Variants in ADAMTSL1 observed in about 807,000 individuals in gnomAD.
ADAMTSL1 encodes the protein ADAMTS like 1, also known as ADAMTS-like protein 1.
ADAMTSL1 carries 126 observed loss-of-function variants against 201.8 expected under a neutral mutation model. The ratio of observed to expected loss-of-function variants is 0.62; its 90% CI spans 0.54 to 0.72. The LOEUF (loss-of-function observed/expected upper bound fraction) is 0.72. Ranked by LOEUF, ADAMTSL1 falls within the 30% of genes least tolerant of loss-of-function variation. The pLI, the probability that ADAMTSL1 is intolerant of heterozygous loss-of-function variation, is 0.00. For synonymous variants in ADAMTSL1, 1,121 were observed against 903.4 expected (o/e 1.24, Z -4.32); for missense variants, 2,679 against 2,277.8 (o/e 1.18, Z -3.59).
chr9:18,756,076 AATATATATATATATAT>A (rs55717414), intron 16 of ADAMTSL1, among the ~76,000 whole-genome samples: 1,129 of 80,702 alleles, frequency 0.014, 70 homozygotes, highest in South Asian at 0.024. Context: ...CTCTACTGAA[AATATATATATATATAT>A]ATATATATAT....
In ADAMTSL1 at chr9:17,957,950, T is replaced by G. The variant is rs528628419; in HGVS notation, c.87+51028T>G. 4.6e-5 allele frequency among the ~76,000 whole-genome samples: 7 copies of G among 152,320 alleles called. No homozygotes were observed. In the East Asian group the frequency reaches 1.4e-3, roughly 29 times the overall value. ...ATTTTGGACATCTAGCCTCCATGAC[T>G]GGGAGAGAATAAGTTTTTGTTGTTT... is the stretch of plus-strand genomic sequence containing the variant. On this transcript the variant is annotated intron_variant, in intron 1 of 29. Coordinates refer to the ADAMTSL1 transcript ENST00000680146.
At chr9:18,191,457 A>T (rs1828966874) in intron 2 of ADAMTSL1, among the ~76,000 whole-genome samples, 1 of 152,120 alleles carries the variant, frequency 6.6e-6, no homozygotes, top group East Asian at 1.9e-4. Flanking sequence ...TTTCTTCTTC[A>T]ATCCATGGAG....
At chr9:17,974,182 G>T (rs1818340821) in intron 1 of ADAMTSL1, among the ~76,000 whole-genome samples, 1 of 151,984 alleles carries the variant, frequency 6.6e-6, no homozygotes, top group Non-Finnish European at 1.5e-5. Flanking sequence ...TTGAAAATGG[G>T]CACAAGACAA....
chr9:18,328,653 C>A (rs140373442), intron 2 of ADAMTSL1, among the ~76,000 whole-genome samples: 1 of 152,138 alleles, frequency 6.6e-6, no homozygotes, highest in African/African-American at 2.4e-5. Flanking sequence ...TACACTGTGC[C>A]GCATCTCATC....
At position 18,045,330 on chromosome 9, in the gene ADAMTSL1, T is replaced by A. The variant is rs550943644; in HGVS notation, c.88-118532T>A. ...GTTATTCAACTACTATTCAAGTAAT[T>A]CTTGAATCAGCAGTTGGAGTTGGCA... is the stretch of plus-strand genomic sequence containing the variant. On this transcript the variant is annotated intron_variant, in intron 1 of 29. Transcript: ENST00000680146. Among the ~76,000 whole-genome samples the A allele has an allele frequency of 4.4e-5, 6 of 137,340 alleles. No individual in the cohort carries two copies. In the South Asian group the frequency reaches 1.2e-3, roughly 27 times the overall value. 90.1% of individuals were successfully genotyped at this position (137,340 alleles called of 152,430 possible). A position where few individuals can be genotyped will look rare whatever the true frequency, so the allele number is the denominator to read the frequency against.
chr9:17,914,406 A>G (rs1358631978), intron 1 of ADAMTSL1, among the ~76,000 whole-genome samples: 11 of 152,234 alleles, frequency 7.2e-5, no homozygotes, highest in Admixed American at 6.5e-4. Context: ...TATAAACAGA[A>G]CCAATGACAA....
chr9:18,538,099 G>A (rs1819904444), intron 3 of ADAMTSL1, among the ~76,000 whole-genome samples: 1 of 152,084 alleles, frequency 6.6e-6, no homozygotes, highest in African/African-American at 2.4e-5. Context: ...TTGGCTGCAG[G>A]CTCACTCTGG....
upstream of ADAMTSL1, among the ~76,000 whole-genome samples, chr9:18,471,118 A>G (rs1438024713): frequency 2.6e-5 from 4 of 152,216 alleles, no homozygotes; most frequent in African/African-American, 4.8e-5. Flanking sequence ...GAGAAAGTCA[A>G]GACACATAGA....
chr9:18,130,427 C>T (rs908899311), intron 1 of ADAMTSL1, among the ~76,000 whole-genome samples: 1 of 152,166 alleles, frequency 6.6e-6, no homozygotes. Flanking sequence ...TTTTAACTGG[C>T]TGTCACAATG....
At chr9:18,748,722 GA>G (rs1165793388) in intron 15 of ADAMTSL1, among the ~76,000 whole-genome samples, 1 of 152,160 alleles carries the variant, frequency 6.6e-6, no homozygotes, top group Non-Finnish European at 1.5e-5. Context: ...GCATACTACT[GA>G]ACATCTGCCA....
At chr9:17,972,487 A>G (rs1358252290) in intron 1 of ADAMTSL1, among the ~76,000 whole-genome samples, 2 of 151,636 alleles carry the variant, frequency 1.3e-5, no homozygotes, top group Non-Finnish European at 2.9e-5. Flanking sequence ...TACAAAGGAC[A>G]TGAACTCATC....
In ADAMTSL1 at chr9:17,911,654, C is replaced by G. The variant is rs1825902715; in HGVS notation, c.87+4732C>G. Among the ~76,000 whole-genome samples the G allele has an allele frequency of 2.9e-5, 2 of 68,198 alleles. 1 individual carries two copies. The highest frequency in any genetic ancestry group is 5.9e-5 in the African/African-American group (2 of 33,934). The allele number at this position is 68,198 out of a possible 152,430, so 44.7% of individuals were successfully genotyped here. A position where few individuals can be genotyped will look rare whatever the true frequency, so the allele number is the denominator to read the frequency against. ...GAAAGAATTGCGCCTTTATGGGCAC[C>G]TGATTTCCAACTAAAATTCTTTTTC... is the stretch of plus-strand genomic sequence containing the variant. On this transcript the variant is annotated intron_variant, in intron 1 of 29. Coordinates refer to the ADAMTSL1 transcript ENST00000680146.
chr9:18,097,418 C>G (rs1387879302), intron 1 of ADAMTSL1, among the ~76,000 whole-genome samples: 1 of 152,120 alleles, frequency 6.6e-6, no homozygotes, highest in Non-Finnish European at 1.5e-5. Flanking sequence ...TTTCATTTTG[C>G]TTTGGTAAAT....
At position 18,776,948 on chromosome 9, in the gene ADAMTSL1, C is replaced by T; in HGVS notation, c.2719C>T (p.Pro907Ser). 6.3e-7 allele frequency: 1 copy of T among 1,598,998 alleles called. No homozygotes were observed. Among genetic ancestry groups the T allele is most frequent in the Non-Finnish European group, 8.5e-7 (1 of 1,171,948 alleles). The stretch of plus-strand genomic sequence containing the variant: ...CTGCCCGGCGCGCAGGGTCCGCAAG[C>T]CCCTCATCACCTGGGAGAAGGACGG... ...LRCPARRVRK[P>S]LITWEKDGQH... Residue 907 changes from proline (P) to serine (S), a missense_variant, in exon 19 of 29, where the codon CCC becomes TCC. Pro to Ser is a moderately conservative substitution (Grantham distance 74, BLOSUM62 -1). Coordinates refer to ENST00000380548, the MANE Select transcript of ADAMTSL1 (RefSeq NM_001040272.6).
rs1005276357 is a variant in ADAMTSL1, at chr9:18,533,166, G to C, written c.192-81G>C. 5 of 1,263,058 alleles carry C rather than the reference G, an allele frequency of 4.0e-6. No homozygotes were observed. The African/African-American group carries it at 4.5e-5, about 11-fold the overall frequency. The allele number at this position is 1,263,058 out of a possible 1,614,324, so 78.2% of individuals were successfully genotyped here. Reference sequence around the variant, plus strand: ...AGAGAGGCCCTTTTACTAGTATTTAGAGCAAATTTTTATAAGAAAATATTT... The same window carrying C: ...AGAGAGGCCCTTTTACTAGTATTTACAGCAAATTTTTATAAGAAAATATTT... On this transcript the variant is annotated intron_variant, in intron 2 of 28. Transcript: ENST00000380548.
At chr9:18,778,025 G>A in intron 19 of ADAMTSL1, 119 bp downstream of exon 19, 1 of 1,334,244 alleles carries the variant, frequency 7.5e-7, no homozygotes, top group Non-Finnish European at 1.0e-6. Context: ...GCTGGCCTCG[G>A]GGACCCCATC....
intron 2 of ADAMTSL1, among the ~76,000 whole-genome samples, chr9:18,196,693 C>A (rs1442022667): frequency 6.6e-6 from 1 of 152,098 alleles, no homozygotes; most frequent in African/African-American, 2.4e-5. Context: ...CTCCAGTCTC[C>A]ATGAATCTGA....
intron 2 of ADAMTSL1, among the ~76,000 whole-genome samples, chr9:18,467,438 A>T (rs1396079473): frequency 1.3e-5 from 2 of 152,200 alleles, no homozygotes; most frequent in Admixed American, 6.5e-5. Flanking sequence ...ATACAATAAA[A>T]AACTAGTAAA....
rs144794622 is a variant in ADAMTSL1, at chr9:18,800,573, G to C, written c.3805+5049G>C. ...AGAGAATGCCCACCAAAGACCCCAA[G>C]CTTTCATAGAACTTACTTAAAACTG... is the stretch of plus-strand genomic sequence containing the variant. On this transcript the variant is annotated intron_variant, in intron 20 of 28. Transcript: ENST00000380548. Among the ~76,000 whole-genome samples, 7 of 152,094 alleles carry C rather than the reference G, an allele frequency of 4.6e-5. No individual in the cohort carries two copies. In the East Asian group the frequency reaches 1.4e-3, roughly 29 times the overall value.
Sources: allele counts gnomAD v4.1 joint callset (sites outside exome capture counted in the v4.1 genomes callset), GRCh38; gene constraint gnomAD v4.1.1; transcripts MANE v1.5; gene names NCBI Gene and HGNC (gene_info 2026-07-23, HGNC 2026-07-21).